Variants in GPAT4 observed in about 807,000 individuals in gnomAD.
GPAT4 encodes glycerol-3-phosphate acyltransferase 4, also known as 1-AGP acyltransferase 6.
Under a neutral mutation model 58.0 loss-of-function variants are expected in GPAT4, and 17 were observed. That is an observed-to-expected ratio of 0.29 (90% CI 0.20 to 0.44). The LOEUF is 0.44. Ranked by LOEUF, GPAT4 falls within the 20% of genes least tolerant of loss-of-function variation. The pLI is 1.00. For synonymous variants in GPAT4, 204 were observed against 210.1 expected, an observed-to-expected ratio of 0.97 and a Z score of 0.25; for missense variants, 377 against 574.5, an observed-to-expected ratio of 0.66 and a Z score of 3.51.
In GPAT4 at chr8:41,583,888, G is replaced by A. The variant is rs373454226; in HGVS notation, c.-849+5610G>A. ...AAAGTCTGCTGTCACGAATTTGTGC[G>A]CTTGTGATGAAAAGGTTTCATTTTT... On this transcript the variant is annotated intron_variant, in intron 1 of 12. Coordinates refer to ENST00000396987, the MANE Select transcript of GPAT4 (RefSeq NM_178819.4). Among the ~76,000 whole-genome samples, 18 of 152,250 alleles carry A rather than the reference G, an allele frequency of 1.2e-4. No homozygotes were observed. The East Asian group carries it at 1.9e-3, about 16-fold the overall frequency.
chr8:41,585,938 ACTTAAT>A (rs760502245), intron 1 of GPAT4, among the ~76,000 whole-genome samples: 4 of 152,264 alleles, frequency 2.6e-5, no homozygotes, highest in Non-Finnish European at 5.9e-5. Flanking sequence ...TTTTTGAACA[ACTTAAT>A]CTTAGATTCT....
intron 2 of GPAT4, among the ~76,000 whole-genome samples, chr8:41,602,433 C>T (rs765315646): frequency 1.3e-5 from 2 of 152,218 alleles, no homozygotes; most frequent in Non-Finnish European, 2.9e-5. Context: ...CCATTACAGC[C>T]TGGCTGTAAA....
intron 12 of GPAT4, 184 bp downstream of exon 12, chr8:41,619,161 G>C (rs1211997942): frequency 1.5e-6 from 1 of 681,892 alleles, no homozygotes; most frequent in Admixed American, 2.6e-5. Flanking sequence ...GGGGAACCTG[G>C]ATCAGGGATG....
intron 10 of GPAT4, among the ~76,000 whole-genome samples, chr8:41,616,961 T>C (rs1803611965): frequency 6.6e-6 from 1 of 152,182 alleles, no homozygotes; most frequent in African/African-American, 2.4e-5. Flanking sequence ...CTGCCTTTTT[T>C]CTCTGTCCAC....
At chr8:41,616,463 T>C (rs1468123194) in intron 10 of GPAT4, among the ~76,000 whole-genome samples, 2 of 152,200 alleles carry the variant, frequency 1.3e-5, no homozygotes, top group African/African-American at 2.4e-5. Context: ...ACCTGGCTAA[T>C]TTTTTAATTT....
Position 41,609,762 on chromosome 8 carries a change from A to G in GPAT4, c.343A>G (p.Ile115Val), listed in dbSNP as rs1236875142. The change falls in exon 4 of 13, where the codon ATT becomes GTT. Residue 115 changes from isoleucine (I) to valine (V), a missense_variant. By Grantham distance (29) the Ile-to-Val change is conservative. Coordinates refer to ENST00000396987, the MANE Select transcript of GPAT4 (RefSeq NM_178819.4). ...CACTCCAGAGTTCGAGCTCTCTGAC[A>G]TTTTCTACTTTTGCCGGAAAGGAAT... ...DNTPEFELSDIFYFCRKGMET... is the reference protein window; with the variant it reads ...DNTPEFELSDVFYFCRKGMET... 3 of 1,614,124 alleles carry G rather than the reference A, an allele frequency of 1.9e-6. No individual in the cohort carries two copies. The highest frequency in any genetic ancestry group is 1.7e-6 in the Non-Finnish European group (2 of 1,180,042).
intron 2 of GPAT4, among the ~76,000 whole-genome samples, chr8:41,602,179 T>G (rs1803121239): frequency 6.6e-6 from 1 of 152,216 alleles, no homozygotes; most frequent in African/African-American, 2.4e-5. Context: ...GGTCTTGAAC[T>G]CCTGGCCTCA....
At chr8:41,613,208 C>T (rs1033825022) in intron 8 of GPAT4, among the ~76,000 whole-genome samples, 47 of 151,946 alleles carry the variant, frequency 3.1e-4, no homozygotes, top group African/African-American at 1.1e-3. Context: ...ACTAGCCTGA[C>T]CAACATGGTG....
In GPAT4 at chr8:41,612,889, C is replaced by T. The variant is rs1175692581; in HGVS notation, c.840C>T (p.Ala280=). 14 of 1,613,932 alleles carry T rather than the reference C, an allele frequency of 8.7e-6. No homozygotes were observed. Among genetic ancestry groups the T allele is most frequent in the East Asian group, 2.2e-5 (1 of 44,868 alleles). Residue 280 remains alanine, a synonymous_variant, in exon 8 of 13, where the codon GCC becomes GCT. Transcript: ENST00000396987. ...GACTCATGGGTGTGATTCAGAGAGCCATGGTGAAGGCCTGCCCACACGTCT... is the reference window on the plus strand; with the variant it reads ...GACTCATGGGTGTGATTCAGAGAGCTATGGTGAAGGCCTGCCCACACGTCT... ...HGGLMGVIQR[A]MVKACPHVWF... is the part of the protein sequence containing the mutation.
intron 12 of GPAT4, among the ~76,000 whole-genome samples, chr8:41,619,546 T>C (rs534847476): frequency 6.6e-6 from 1 of 152,322 alleles, no homozygotes; most frequent in East Asian, 1.9e-4. Flanking sequence ...AATAAAACTT[T>C]ATTTACAAAA....
chr8:41,618,928 A>C lies in GPAT4; in HGVS notation c.1213A>C (p.Arg405=), dbSNP rs766844013. Reference sequence around the variant, plus strand: ...TGAAGATGCTGTCCAGTTTGCGAATAGGGTGAAATCTGCCATTGCCAGGCA... The same window carrying C: ...TGAAGATGCTGTCCAGTTTGCGAATCGGGTGAAATCTGCCATTGCCAGGCA... ...ADEDAVQFAN[R]VKSAIARQGG... is the part of the protein sequence containing the mutation. Residue 405 remains arginine (R), a synonymous_variant, in exon 12 of 13, where the codon AGG becomes CGG. Transcript: ENST00000396987. 3.1e-6 allele frequency: 5 copies of C among 1,614,246 alleles called. No homozygotes were observed. The Admixed American group carries it at 8.3e-5, about 27-fold the overall frequency.
At chr8:41,612,387 C>T in intron 7 of GPAT4, 114 bp downstream of exon 7, 1 of 1,002,002 alleles carries the variant, frequency 1.0e-6, no homozygotes, top group South Asian at 1.5e-5. Flanking sequence ...GCCAGGCCCC[C>T]ACCTTACTGT....
chr8:41,581,432 G>A (rs1802504779), intron 1 of GPAT4, among the ~76,000 whole-genome samples: 1 of 152,132 alleles, frequency 6.6e-6, no homozygotes, highest in African/African-American at 2.4e-5. Context: ...AAACAGGAGC[G>A]TAATACATTT....
chr8:41,610,692 A>G (rs1188784922), intron 4 of GPAT4, 44 bp from the exon 5 acceptor site: 19 of 1,595,326 alleles, frequency 1.2e-5, no homozygotes, highest in Non-Finnish European at 1.6e-5. Flanking sequence ...TGTACTTGGT[A>G]GAATGATTTG....
chr8:41,580,429 C>T (rs1208515052), intron 1 of GPAT4, among the ~76,000 whole-genome samples: 2 of 152,130 alleles, frequency 1.3e-5, no homozygotes, highest in South Asian at 2.1e-4. Context: ...CTTCTTGGAC[C>T]ATGGGTTAGA....
chr8:41,612,939 A>T lies in GPAT4; in HGVS notation c.890A>T (p.Asp297Val). ...HVWFERSEVK[D>V]RHLVAKRLTE... ...TGGTTTGAGCGCTCGGAAGTGAAGG[A>T]TCGCCACCTGGTGGCTAAGAGGTAA... The change falls in exon 8 of 13, where the codon GAT becomes GTT. Residue 297 changes from aspartate (D) to valine (V), a missense_variant. Asp to Val is a radical substitution (Grantham distance 152). Coordinates refer to ENST00000396987, the MANE Select transcript of GPAT4 (RefSeq NM_178819.4). 6.2e-7 allele frequency: 1 copy of T among 1,614,176 alleles called. No homozygotes were observed. Among genetic ancestry groups the T allele is most frequent in the African/African-American group, 1.3e-5 (1 of 75,046 alleles).
At chr8:41,603,956 A>C (rs1563274823) in intron 2 of GPAT4, among the ~76,000 whole-genome samples, 1 of 151,914 alleles carries the variant, frequency 6.6e-6, no homozygotes. Context: ...GGTGGCTTGT[A>C]ATATAGCAAT....
intron 10 of GPAT4, among the ~76,000 whole-genome samples, chr8:41,617,402 A>G (rs1803627025): frequency 6.6e-6 from 1 of 152,130 alleles, no homozygotes; most frequent in Non-Finnish European, 1.5e-5. Context: ...AAAATTAAAA[A>G]AATACTTTCT....
Position 41,581,945 on chromosome 8 carries a change from T to C in GPAT4, c.-849+3667T>C, listed in dbSNP as rs576767040. ...ATCGCACCCGGCCGACTTGTTTGAA[T>C]TAAAAAAAAAAAATGATCAGGAAGC... On this transcript the variant is annotated intron_variant, in intron 1 of 12. Transcript: ENST00000396987. Among the ~76,000 whole-genome samples the C allele has an allele frequency of 4.1e-4, 50 of 122,450 alleles. 1 individual carries two copies. The South Asian group carries it at 0.013, about 32-fold the overall frequency. 80.3% of individuals were successfully genotyped at this position (122,450 alleles called of 152,430 possible). A position where few individuals can be genotyped will look rare whatever the true frequency, so the allele number is the denominator to read the frequency against.
Sources: gnomAD v4.1 joint callset for allele counts (sites outside exome capture counted in the v4.1 genomes callset) on GRCh38, gnomAD v4.1.1 for gene constraint, MANE v1.5 for transcripts, NCBI Gene and HGNC (gene_info 2026-07-23, HGNC 2026-07-21) for gene names.